The following PIP4K2A variants were observed in gnomAD, a reference collection of about 807,000 sequenced individuals.
PIP4K2A encodes phosphatidylinositol 5-phosphate 4-kinase type-2 alpha.
Under a neutral mutation model 42.9 loss-of-function variants are expected in PIP4K2A, and 14 were observed. The observed-to-expected ratio is 0.33, with a 90% CI of 0.22 to 0.51. The LOEUF is 0.51. PIP4K2A is among the 20% of genes least tolerant of loss of function. The probability of loss-of-function intolerance (pLI) is 0.97; values close to 1 mark genes in which losing one functional copy is unlikely to be tolerated. For synonymous variants in PIP4K2A, 192 were observed against 192.2 expected, an observed-to-expected ratio of 1.00 and a Z score of 0.01; for missense variants, 434 against 519.8, an observed-to-expected ratio of 0.83 and a Z score of 1.61.
At chr10:22,656,055 G>A (rs1839094071) in intron 1 of PIP4K2A, among the ~76,000 whole-genome samples, 1 of 152,176 alleles carries the variant, frequency 6.6e-6, no homozygotes, top group Non-Finnish European at 1.5e-5. Context: ...GGAGCATTAA[G>A]ACCTCAATGA....
intron 1 of PIP4K2A, among the ~76,000 whole-genome samples, chr10:22,640,252 C>T (rs756338547): frequency 2.6e-4 from 39 of 152,096 alleles, no homozygotes; most frequent in Middle Eastern, 3.2e-3. Context: ...CATAAATCAT[C>T]AAAGAAGGAT....
At chr10:22,537,395 C>T (rs1835962252) in intron 9 of PIP4K2A, 114 bp from the exon 10 acceptor site, 11 of 754,980 alleles carry the variant, frequency 1.5e-5, no homozygotes, top group Non-Finnish European at 1.8e-5. Context: ...AAGCAATTTT[C>T]AAATCCATGC....
At chr10:22,609,419 T>C (rs1837982307) in intron 2 of PIP4K2A, among the ~76,000 whole-genome samples, 2 of 152,250 alleles carry the variant, frequency 1.3e-5, no homozygotes, top group Non-Finnish European at 2.9e-5. Flanking sequence ...GAGAACAATA[T>C]GCCATATGGC....
At chr10:22,577,732 A>C (rs1837158297) in intron 4 of PIP4K2A, among the ~76,000 whole-genome samples, 1 of 152,144 alleles carries the variant, frequency 6.6e-6, no homozygotes, top group African/African-American at 2.4e-5. Context: ...CGGGTTCTTG[A>C]GCATCCTCCC....
intron 1 of PIP4K2A, among the ~76,000 whole-genome samples, chr10:22,696,140 G>T (rs1034594521): frequency 6.6e-6 from 1 of 152,174 alleles, no homozygotes; most frequent in African/African-American, 2.4e-5. Flanking sequence ...CATGTGTCTG[G>T]ATCAGTACAA....
chr10:22,671,420 G>A (rs941964849), intron 1 of PIP4K2A, among the ~76,000 whole-genome samples: 14 of 152,110 alleles, frequency 9.2e-5, no homozygotes, highest in African/African-American at 3.1e-4. Flanking sequence ...CCACTGCTCC[G>A]AGGAGTTTGC....
chr10:22,626,257 TA>T (rs370242770), intron 1 of PIP4K2A, among the ~76,000 whole-genome samples: 6,543 of 151,412 alleles, frequency 0.043, 194 homozygotes, highest in African/African-American at 0.078. Flanking sequence ...ATATTCTGCT[TA>T]AAAAAAAAGA....
At chr10:22,684,655 G>C (rs1839725841) in intron 1 of PIP4K2A, among the ~76,000 whole-genome samples, 1 of 152,072 alleles carries the variant, frequency 6.6e-6, no homozygotes, top group Admixed American at 6.6e-5. Flanking sequence ...GAGCTCCCTG[G>C]CATCAAAACA....
At chr10:22,704,340 T>C (rs1247904421) in intron 1 of PIP4K2A, among the ~76,000 whole-genome samples, 3 of 151,784 alleles carry the variant, frequency 2.0e-5, no homozygotes, top group Non-Finnish European at 4.4e-5. Flanking sequence ...GCACTGCCAG[T>C]GATGCTGACT....
chr10:22,590,361 C>T (rs1271783157), intron 4 of PIP4K2A, among the ~76,000 whole-genome samples: 4 of 152,170 alleles, frequency 2.6e-5, no homozygotes, highest in South Asian at 4.1e-4. Context: ...CATATGACTA[C>T]AATTTCTCCA....
intron 3 of PIP4K2A, among the ~76,000 whole-genome samples, chr10:22,602,973 G>C (rs2559522): frequency 1.3e-5 from 2 of 152,102 alleles, no homozygotes; most frequent in African/African-American, 4.8e-5. Flanking sequence ...ATCTACAAGT[G>C]AAAGTTTCAG....
intron 1 of PIP4K2A, among the ~76,000 whole-genome samples, chr10:22,640,042 T>TA (rs1838748295): frequency 8.5e-6 from 1 of 118,296 alleles, no homozygotes; most frequent in African/African-American, 3.6e-5. Flanking sequence ...TTTTTTTTTT[T>TA]AAGGAAAAAG....
chr10:22,562,365 G>A lies in PIP4K2A; in HGVS notation c.678+5486C>T, dbSNP rs548998363. Among the ~76,000 whole-genome samples, 12 of 152,264 alleles carry A rather than the reference G, an allele frequency of 7.9e-5. No homozygotes were observed. In the South Asian group the frequency reaches 1.0e-3, roughly 13 times the overall value. Reference sequence around the variant, plus strand: ...GGATCGAGACCATCCTGGCTAACACGGTGAAACTCCGTCTCTACTAAAAAT... The same window carrying A: ...GGATCGAGACCATCCTGGCTAACACAGTGAAACTCCGTCTCTACTAAAAAT... On this transcript the variant is annotated intron_variant, in intron 6 of 9. Transcript: ENST00000376573.
intron 4 of PIP4K2A, among the ~76,000 whole-genome samples, chr10:22,590,555 A>G (rs1349858017): frequency 1.3e-5 from 2 of 152,200 alleles, no homozygotes. Flanking sequence ...GACTGTATAA[A>G]CAAAGAAACT....
chr10:22,621,020 G>C (rs1838317410), intron 1 of PIP4K2A, among the ~76,000 whole-genome samples: 1 of 152,230 alleles, frequency 6.6e-6, no homozygotes, highest in Non-Finnish European at 1.5e-5. Flanking sequence ...TGACACAGGG[G>C]ACAGGGAAGA....
chr10:22,559,778 C>T (rs909980209), intron 6 of PIP4K2A, among the ~76,000 whole-genome samples: 4 of 152,142 alleles, frequency 2.6e-5, no homozygotes, highest in African/African-American at 7.2e-5. Context: ...GAGGAAGGTC[C>T]AGGAAAGCTT....
At chr10:22,586,632 G>C (rs1004970036) in intron 4 of PIP4K2A, among the ~76,000 whole-genome samples, 2 of 152,266 alleles carry the variant, frequency 1.3e-5, no homozygotes, top group East Asian at 3.9e-4. Flanking sequence ...CTGGGTTCAA[G>C]CGATTCTCAT....
rs777075795 is a variant in PIP4K2A at position 22,536,714 on chromosome 10, C to CAAAAAAAAAAAAAAAAAAAAAAAAA, written c.*486_*487insTTTTTTTTTTTTTTTTTTTTTTTTT. 1 of 53,974 alleles carries CAAAAAAAAAAAAAAAAAAAAAAAAA rather than the reference C, an allele frequency of 1.9e-5. No individual in the cohort carries two copies. The highest frequency in any genetic ancestry group is 6.2e-5 in the African/African-American group (1 of 16,020). The allele number at this position is 53,974 out of a possible 1,614,324, so 3.3% of individuals were successfully genotyped here. A position where few individuals can be genotyped will look rare whatever the true frequency, so the allele number is the denominator to read the frequency against. ...AATACTGTCTCACATCTTTCAACTC[C>CAAAAAAAAAAAAAAAAAAAAAAAAA]AAAAAAAAAAAAAAAAAAAAAAAAC... On this transcript the variant is annotated 3_prime_UTR_variant, in exon 10 of 10. Transcript: ENST00000376573.
At chr10:22,633,512 T>C (rs1202210727) in intron 1 of PIP4K2A, among the ~76,000 whole-genome samples, 1 of 151,806 alleles carries the variant, frequency 6.6e-6, no homozygotes, top group Non-Finnish European at 1.5e-5. Flanking sequence ...AGGGAAAAAA[T>C]ATAATTATCT....
Sources: allele counts gnomAD v4.1 joint callset (sites outside exome capture counted in the v4.1 genomes callset), GRCh38; gene constraint gnomAD v4.1.1; transcripts MANE v1.5; gene names NCBI Gene and HGNC (gene_info 2026-07-23, HGNC 2026-07-21).